Variants in UTRN observed in about 807,000 individuals in gnomAD.
UTRN encodes dystrophin-related protein 1.
A neutral mutation model predicts 463.9 loss-of-function variants in UTRN; 283 were observed. That is an observed-to-expected ratio of 0.61 (90% CI 0.55 to 0.67). UTRN has a LOEUF of 0.67. UTRN is among the 30% of genes least tolerant of loss of function. The probability of loss-of-function intolerance (pLI) is 0.00; values close to 1 mark genes in which losing one functional copy is unlikely to be tolerated. For missense variants in UTRN, 3,922 were observed against 4,084.3 expected, an observed-to-expected ratio of 0.96 and a Z score of 1.08; for synonymous variants, 1,442 against 1,431.5, an observed-to-expected ratio of 1.01 and a Z score of -0.17.
chr6:144,731,490 T>A (rs1172592621), intron 54 of UTRN, among the ~76,000 whole-genome samples: 1 of 152,202 alleles, frequency 6.6e-6, no homozygotes, highest in Non-Finnish European at 1.5e-5. Flanking sequence ...ATCATGAACA[T>A]TTATTACTTG....
intron 51 of UTRN, among the ~76,000 whole-genome samples, chr6:144,654,922 C>T (rs1175879919): frequency 1.3e-5 from 2 of 152,140 alleles, no homozygotes; most frequent in Non-Finnish European, 2.9e-5. Flanking sequence ...CCCACCCACC[C>T]ATTTTCCTGA....
rs755454467 is a variant in UTRN, at chr6:144,551,098, A to C, written c.6928+16A>C. On this transcript the variant is annotated intron_variant, in intron 48 of 74. Transcript: ENST00000367545. ...ACAGAAAAATGTAAGTTTTTTAAAAAAAGTTATGTATTATCATCCACTTTC... is the reference window on the plus strand; with the variant it reads ...ACAGAAAAATGTAAGTTTTTTAAAACAAGTTATGTATTATCATCCACTTTC... The C allele has an allele frequency of 6.4e-7, 1 of 1,574,346 alleles. No individual in the cohort carries two copies. Among genetic ancestry groups the C allele is most frequent in the South Asian group, 1.2e-5 (1 of 86,174 alleles).
intron 3 of UTRN, among the ~76,000 whole-genome samples, 166 bp from the exon 4 acceptor site, chr6:144,421,708 AAAAT>A (rs147148761): frequency 0.056 from 8,462 of 151,772 alleles, 807 homozygotes; most frequent in African/African-American, 0.19. Flanking sequence ...TTAATTAATT[AAAAT>A]AAATAAATAA....
At chr6:144,784,458 C>T (rs1390847174) in intron 61 of UTRN, among the ~76,000 whole-genome samples, 3 of 152,192 alleles carry the variant, frequency 2.0e-5, no homozygotes, top group African/African-American at 7.2e-5. Flanking sequence ...TGCTCATCTC[C>T]TCTTCCTCTA....
intron 58 of UTRN, among the ~76,000 whole-genome samples, chr6:144,767,739 G>A (rs1793517128): frequency 6.6e-6 from 1 of 152,116 alleles, no homozygotes; most frequent in Non-Finnish European, 1.5e-5. Flanking sequence ...ACTTTGCACA[G>A]CAAAGAAGAA....
intron 53 of UTRN, chr6:144,708,433 A>G: frequency 1.6e-6 from 1 of 640,986 alleles, no homozygotes; most frequent in East Asian, 3.7e-5. Flanking sequence ...TTTCTTCTCT[A>G]GAGGCTCTGA....
At chr6:144,502,899 C>T (rs1448295685) in intron 34 of UTRN, among the ~76,000 whole-genome samples, 1 of 152,314 alleles carries the variant, frequency 6.6e-6, no homozygotes, top group Non-Finnish European at 1.5e-5. Flanking sequence ...TCTCCACATC[C>T]ACTCCAGCAT....
chr6:144,470,028 T>C (rs1020675686), intron 23 of UTRN, among the ~76,000 whole-genome samples: 5 of 152,224 alleles, frequency 3.3e-5, no homozygotes, highest in Non-Finnish European at 7.3e-5. Flanking sequence ...GGCAAGGTTA[T>C]AGACCAACAG....
intron 51 of UTRN, among the ~76,000 whole-genome samples, chr6:144,595,025 A>G (rs539765061): frequency 1.5e-4 from 23 of 152,292 alleles, no homozygotes; most frequent in African/African-American, 5.5e-4. Flanking sequence ...ATGCACAGTA[A>G]TGTACTTTTA....
intron 2 of UTRN, among the ~76,000 whole-genome samples, chr6:144,400,768 T>C (rs1255230885): frequency 6.6e-6 from 1 of 152,200 alleles, no homozygotes; most frequent in Admixed American, 6.5e-5. Context: ...TGTTAGAAAA[T>C]GTATCGTTTA....
chr6:144,824,590 A>T (rs865980974), intron 66 of UTRN, among the ~76,000 whole-genome samples: 1 of 46,852 alleles, frequency 2.1e-5, no homozygotes, highest in Admixed American at 3.8e-4. Flanking sequence ...ATATATATAT[A>T]TATATATATA....
intron 51 of UTRN, among the ~76,000 whole-genome samples, chr6:144,648,052 T>C (rs1778455208): frequency 6.6e-6 from 1 of 152,262 alleles, no homozygotes; most frequent in Non-Finnish European, 1.5e-5. Context: ...CAGTTTGGAA[T>C]ATTGTTGAAA....
intron 2 of UTRN, among the ~76,000 whole-genome samples, chr6:144,339,607 A>T (rs1039619457): frequency 1.3e-5 from 2 of 152,150 alleles, no homozygotes; most frequent in Non-Finnish European, 1.5e-5. Flanking sequence ...TTCAAGATAA[A>T]ACTTTGAAAA....
At chr6:144,667,382 G>T (rs560960471) in intron 51 of UTRN, among the ~76,000 whole-genome samples, 3 of 152,252 alleles carry the variant, frequency 2.0e-5, no homozygotes, top group Non-Finnish European at 1.5e-5. Flanking sequence ...TCTCTTCAAT[G>T]TGAAAGGAAT....
intron 2 of UTRN, among the ~76,000 whole-genome samples, chr6:144,361,937 G>A (rs1181689977): frequency 6.6e-6 from 1 of 151,942 alleles, no homozygotes; most frequent in East Asian, 1.9e-4. Flanking sequence ...AGAGACACAA[G>A]TCAATTCCTG....
At chr6:144,527,635 C>A (rs1166160221) in intron 41 of UTRN, among the ~76,000 whole-genome samples, 2 of 152,156 alleles carry the variant, frequency 1.3e-5, no homozygotes, top group African/African-American at 4.8e-5. Flanking sequence ...ACAAATTATT[C>A]TTTGGTCTTT....
chr6:144,793,507 T>C (rs1364314949), intron 62 of UTRN, among the ~76,000 whole-genome samples: 6 of 152,246 alleles, frequency 3.9e-5, no homozygotes, highest in Non-Finnish European at 7.3e-5. Context: ...AATTAATTCA[T>C]ATGCATTTAT....
At chr6:144,364,172 G>A (rs942638071) in intron 2 of UTRN, among the ~76,000 whole-genome samples, 5 of 152,166 alleles carry the variant, frequency 3.3e-5, no homozygotes, top group Admixed American at 2.0e-4. Context: ...CAATATTTGC[G>A]ATTCCACTGC....
chr6:144,539,072 G>C (rs28493305), intron 44 of UTRN, among the ~76,000 whole-genome samples: 3,773 of 152,246 alleles, frequency 0.025, 160 homozygotes, highest in African/African-American at 0.085. Context: ...CAGAGAGCCC[G>C]TTTGTGCACA....
Sources: gnomAD v4.1 joint callset for allele counts (sites outside exome capture counted in the v4.1 genomes callset) on GRCh38, gnomAD v4.1.1 for gene constraint, MANE v1.5 for transcripts, NCBI Gene and HGNC (gene_info 2026-07-23, HGNC 2026-07-21) for gene names.